The following LRRTM4 variants were observed in gnomAD, a reference collection of about 807,000 sequenced individuals.
The protein encoded by LRRTM4 is leucine rich repeat transmembrane neuronal 4.
In LRRTM4, 25 loss-of-function variants were observed where a neutral mutation model predicts 47.6. The observed-to-expected ratio is 0.53, with a 90% CI of 0.38 to 0.73. The LOEUF (loss-of-function observed/expected upper bound fraction) is 0.73. Ranked by LOEUF, LRRTM4 falls within the 30% of genes least tolerant of loss-of-function variation. The pLI is 0.00. For synonymous variants in LRRTM4, 311 were observed against 269.5 expected, an observed-to-expected ratio of 1.15 and a Z score of -1.51; for missense variants, 638 against 713.4, an observed-to-expected ratio of 0.89 and a Z score of 1.20.
intron 3 of LRRTM4, among the ~76,000 whole-genome samples, chr2:77,502,495 T>A (rs1457765612): frequency 6.6e-6 from 1 of 151,560 alleles, no homozygotes; most frequent in Non-Finnish European, 1.5e-5. Context: ...ATAAAGAAGA[T>A]TTTCAAAGAA....
chr2:76,917,136 G>T (rs1364764603), intron 3 of LRRTM4, among the ~76,000 whole-genome samples: 1 of 152,150 alleles, frequency 6.6e-6, no homozygotes, highest in Admixed American at 6.5e-5. Flanking sequence ...TATAGTCTTT[G>T]TTGCAGCAAC....
chr2:77,273,226 T>C (rs1676253681), intron 3 of LRRTM4, among the ~76,000 whole-genome samples: 1 of 152,180 alleles, frequency 6.6e-6, no homozygotes, highest in African/African-American at 2.4e-5. Context: ...GTAATGGATG[T>C]GTTAAATAGA....
chr2:76,918,975 G>A (rs1252626342), intron 3 of LRRTM4, among the ~76,000 whole-genome samples: 1 of 152,174 alleles, frequency 6.6e-6, no homozygotes, highest in Non-Finnish European at 1.5e-5. Context: ...GTTTATTGCA[G>A]CAAAAGGATA....
chr2:76,813,775 T>C (rs971740132), intron 3 of LRRTM4, among the ~76,000 whole-genome samples: 24 of 152,150 alleles, frequency 1.6e-4, no homozygotes, highest in African/African-American at 5.6e-4. Context: ...AGAATAGTTT[T>C]AGATTCACAC....
chr2:77,180,344 A>C (rs1181803655), intron 3 of LRRTM4, among the ~76,000 whole-genome samples: 3 of 152,200 alleles, frequency 2.0e-5, no homozygotes, highest in East Asian at 3.9e-4. Context: ...GGTCTGTCTA[A>C]TATTTCTCTC....
At chr2:77,118,976 A>G (rs13002121) in intron 3 of LRRTM4, among the ~76,000 whole-genome samples, 31,275 of 151,706 alleles carry the variant, frequency 0.21, 3,651 homozygotes, top group Middle Eastern at 0.27. Flanking sequence ...GCATGGGATT[A>G]CTCTATGCAG....
intron 3 of LRRTM4, among the ~76,000 whole-genome samples, chr2:77,256,680 CTG>C (rs1675777856): frequency 6.6e-6 from 1 of 152,182 alleles, no homozygotes; most frequent in African/African-American, 2.4e-5. Flanking sequence ...CCATGTGAAA[CTG>C]TGAGTCAATA....
At chr2:77,107,487 G>A (rs866407930) in intron 3 of LRRTM4, among the ~76,000 whole-genome samples, 84 of 152,152 alleles carry the variant, frequency 5.5e-4, no homozygotes, top group African/African-American at 2.0e-3. Flanking sequence ...GAGAGCAATA[G>A]CCTATTCTGT....
rs371943023 is a variant in LRRTM4 at position 77,082,664 on chromosome 2, G to A, written c.1552-333748C>T. Among the ~76,000 whole-genome samples, 19 of 148,826 alleles carry A rather than the reference G, an allele frequency of 1.3e-4. No individual in the cohort carries two copies. In the South Asian group the frequency reaches 1.3e-3, roughly 10 times the overall value. On this transcript the variant is annotated intron_variant, in intron 3 of 3. Transcript: ENST00000409884. ...ACATGAATATATTTGAATTTATCTC[G>A]CTAGTTAAAAAATATTAACATAAAG...
At chr2:76,868,537 G>A (rs1270448140) in intron 3 of LRRTM4, among the ~76,000 whole-genome samples, 3 of 152,060 alleles carry the variant, frequency 2.0e-5, no homozygotes, top group Non-Finnish European at 4.4e-5. Context: ...GCAATTTAAC[G>A]GGGCTATTTT....
rs893541554 is a variant in LRRTM4, at chr2:77,404,059, C to T, written c.1551+114259G>A. Among the ~76,000 whole-genome samples the T allele has an allele frequency of 5.3e-5, 8 of 152,026 alleles. No homozygotes were observed. The East Asian group carries it at 1.4e-3, about 26-fold the overall frequency. On this transcript the variant is annotated intron_variant, in intron 3 of 3. Transcript: ENST00000409884. ...TCCATCTTGACATTTAACACAACTACTTTCGAGTCATAACTTGTCTTGCCT... is the reference window on the plus strand; with the variant it reads ...TCCATCTTGACATTTAACACAACTATTTTCGAGTCATAACTTGTCTTGCCT...
chr2:76,852,375 G>A lies in LRRTM4; in HGVS notation c.1552-103459C>T, dbSNP rs189864509. On this transcript the variant is annotated intron_variant, in intron 3 of 3. Transcript: ENST00000409884. ...GTCTTACTTTCCTCCTAGACATTCT[G>A]TAATTCTTTTCTGACTATGCAAATT... Among the ~76,000 whole-genome samples, 186 of 152,134 alleles carry A rather than the reference G, an allele frequency of 1.2e-3. 1 individual carries two copies. Among genetic ancestry groups the A allele is most frequent in the Non-Finnish European group, 9.4e-4 (64 of 67,996 alleles).
intron 3 of LRRTM4, among the ~76,000 whole-genome samples, chr2:77,063,819 C>T (rs1679869853): frequency 6.6e-6 from 1 of 152,004 alleles, no homozygotes; most frequent in Non-Finnish European, 1.5e-5. Flanking sequence ...ATGTTTAATT[C>T]CTTCTCTTTG....
chr2:77,081,042 A>G (rs1416911950), intron 3 of LRRTM4, among the ~76,000 whole-genome samples: 3 of 151,980 alleles, frequency 2.0e-5, no homozygotes, highest in Admixed American at 1.3e-4. Context: ...CAATTTCTCA[A>G]TGCCTCCCAT....
intron 3 of LRRTM4, among the ~76,000 whole-genome samples, chr2:76,900,805 A>T (rs139627596): frequency 0.019 from 2,896 of 152,308 alleles, 42 homozygotes; most frequent in Middle Eastern, 0.034. Context: ...TTATGGGAAA[A>T]TGTTCACAAT....
intron 3 of LRRTM4, among the ~76,000 whole-genome samples, chr2:76,854,152 C>T (rs1272353828): frequency 6.6e-6 from 1 of 152,090 alleles, no homozygotes; most frequent in Non-Finnish European, 1.5e-5. Context: ...AGAAGATGAA[C>T]TATGATTACT....
At chr2:77,031,258 A>AT (rs1325340442) in intron 3 of LRRTM4, among the ~76,000 whole-genome samples, 8 of 152,018 alleles carry the variant, frequency 5.3e-5, no homozygotes, top group Non-Finnish European at 8.8e-5. Context: ...CTATGCATTA[A>AT]TTTTTCTTTT....
At chr2:77,481,728 C>T (rs1349807728) in intron 3 of LRRTM4, among the ~76,000 whole-genome samples, 1 of 152,132 alleles carries the variant, frequency 6.6e-6, no homozygotes, top group Non-Finnish European at 1.5e-5. Flanking sequence ...CTCAGATATT[C>T]CTTGTCAGTT....
chr2:76,870,837 C>G (rs916890621), intron 3 of LRRTM4, among the ~76,000 whole-genome samples: 1 of 152,178 alleles, frequency 6.6e-6, no homozygotes, highest in African/African-American at 2.4e-5. Flanking sequence ...ACACAAGGCT[C>G]ACATGAATGG....
Sources: allele counts gnomAD v4.1 joint callset (sites outside exome capture counted in the v4.1 genomes callset), GRCh38; gene constraint gnomAD v4.1.1; transcripts MANE v1.5; gene names NCBI Gene and HGNC (gene_info 2026-07-23, HGNC 2026-07-21).